Variants in GPHN observed in about 807,000 individuals in gnomAD.
GPHN encodes the protein gephyrin.
Under a neutral mutation model 95.5 loss-of-function variants are expected in GPHN, and 17 were observed. The ratio of observed to expected loss-of-function variants is 0.18; its 90% CI spans 0.12 to 0.27. The LOEUF is 0.27. GPHN is among the 10% of genes least tolerant of loss of function. GPHN has a pLI of 1.00. For missense variants in GPHN, 660 were observed against 978.1 expected (o/e 0.67, Z 4.34); for synonymous variants, 320 against 322.5 (o/e 0.99, Z 0.08).
chr14:67,150,453 C>CAAAAAAAAA (rs1164806975), intron 18 of GPHN, among the ~76,000 whole-genome samples: 63 of 98,040 alleles, frequency 6.4e-4, no homozygotes, highest in African/African-American at 7.8e-4. Flanking sequence ...AAAAAAAAAA[C>CAAAAAAAAA]AAAAAAAAAA....
intron 1 of GPHN, among the ~76,000 whole-genome samples, chr14:66,672,974 C>T (rs2066382748): frequency 6.6e-6 from 1 of 151,966 alleles, no homozygotes; most frequent in South Asian, 2.1e-4. Context: ...TTGCCTTTGA[C>T]CTTTGTTCTT....
chr14:67,407,758 G>A, the GPHN span, among the ~76,000 whole-genome samples: 1 of 152,112 alleles, frequency 6.6e-6, no homozygotes, highest in African/African-American at 2.4e-5. Flanking sequence ...TAACTTTAAA[G>A]ATAAGGAAAC....
At chr14:66,652,714 G>A (rs907206689) in intron 1 of GPHN, among the ~76,000 whole-genome samples, 6 of 152,070 alleles carry the variant, frequency 3.9e-5, no homozygotes, top group African/African-American at 1.4e-4. Context: ...AAAGCAATTC[G>A]GTGGGGCAAT....
intron 4 of GPHN, among the ~76,000 whole-genome samples, chr14:66,839,485 A>T (rs962932265): frequency 2.6e-5 from 4 of 152,208 alleles, no homozygotes; most frequent in African/African-American, 9.6e-5. Flanking sequence ...AAGCTAGGTC[A>T]GTTTTGATTA....
the GPHN span, among the ~76,000 whole-genome samples, chr14:67,329,961 C>G: frequency 6.6e-6 from 1 of 151,006 alleles, no homozygotes. Context: ...TACTCTGAAT[C>G]TGTTCTTCTA....
intron 1 of GPHN, among the ~76,000 whole-genome samples, chr14:66,673,254 G>A (rs554234169): frequency 5.9e-5 from 9 of 151,750 alleles, no homozygotes; most frequent in East Asian, 1.9e-4. Flanking sequence ...CACCACGCCC[G>A]GGTAATTTTT....
chr14:67,352,835 TTAAAA>T, the GPHN span: 1 of 781,970 alleles, frequency 1.3e-6, no homozygotes, highest in Admixed American at 3.3e-5. Context: ...AAAAAATTAA[TTAAAA>T]TAACAACAAC....
chr14:67,339,049 A>G, the GPHN span, among the ~76,000 whole-genome samples: 1 of 138,758 alleles, frequency 7.2e-6, no homozygotes, highest in African/African-American at 2.8e-5. Context: ...GGTGGAGTGC[A>G]GTGGCGCACG....
chr14:67,688,435 T>C, the GPHN span, among the ~76,000 whole-genome samples: 2 of 152,192 alleles, frequency 1.3e-5, no homozygotes, highest in Non-Finnish European at 2.9e-5. Context: ...TTTCAGTTCC[T>C]TGTGCATGAT....
chr14:67,189,837 A>ATTTTTT, the GPHN span: 6 of 108,094 alleles, frequency 5.6e-5, no homozygotes, highest in African/African-American at 1.1e-4. Flanking sequence ...ATTTTTTTTA[A>ATTTTTT]TTTTTTTTTT....
chr14:66,603,747 T>G (rs1273117498), intron 1 of GPHN, among the ~76,000 whole-genome samples: 1 of 152,016 alleles, frequency 6.6e-6, no homozygotes, highest in Non-Finnish European at 1.5e-5. Context: ...TAGGTCACTT[T>G]TGTCACAAAC....
the GPHN span, among the ~76,000 whole-genome samples, chr14:67,601,157 G>A: frequency 2.0e-5 from 3 of 152,200 alleles, no homozygotes; most frequent in Non-Finnish European, 2.9e-5. Flanking sequence ...AGGGCAGTCA[G>A]GCGAAGTCTC....
intron 1 of GPHN, among the ~76,000 whole-genome samples, chr14:66,650,873 C>G (rs539437242): frequency 8.5e-5 from 13 of 152,160 alleles, no homozygotes; most frequent in African/African-American, 3.1e-4. Flanking sequence ...TCAAAGAGGT[C>G]GCTTCTGAAT....
At chr14:67,656,349 G>A in the GPHN span, 38 of 1,430,082 alleles carry the variant, frequency 2.7e-5, no homozygotes, top group South Asian at 7.2e-5. Flanking sequence ...GCCTTAGTAC[G>A]GTTTCCAGGT....
At chr14:66,617,432 A>C (rs1419102127) in intron 1 of GPHN, among the ~76,000 whole-genome samples, 1 of 152,102 alleles carries the variant, frequency 6.6e-6, no homozygotes, top group Non-Finnish European at 1.5e-5. Flanking sequence ...ATGCTCACTC[A>C]CTGCCTCCCT....
chr14:67,247,816 C>T, the GPHN span, among the ~76,000 whole-genome samples: 2 of 151,932 alleles, frequency 1.3e-5, no homozygotes, highest in African/African-American at 4.8e-5. Context: ...TGGGCTCAAG[C>T]GATCTGCCCA....
the GPHN span, chr14:67,684,948 C>A: frequency 2.2e-6 from 3 of 1,376,106 alleles, no homozygotes; most frequent in South Asian, 1.4e-5. Context: ...AAGGGTATAC[C>A]CAGACAAACC....
At chr14:66,979,318 T>C (rs958673561) in intron 9 of GPHN, among the ~76,000 whole-genome samples, 6 of 152,260 alleles carry the variant, frequency 3.9e-5, no homozygotes, top group Non-Finnish European at 7.3e-5. Context: ...GGCTGTTTTA[T>C]CTACACTGAA....
intron 4 of GPHN, among the ~76,000 whole-genome samples, chr14:66,832,062 A>C (rs1366890079): frequency 6.6e-6 from 1 of 152,166 alleles, no homozygotes; most frequent in African/African-American, 2.4e-5. Flanking sequence ...CACGAGAATC[A>C]CTTGAACCCA....
Sources: gnomAD v4.1 joint callset for allele counts (sites outside exome capture counted in the v4.1 genomes callset) on GRCh38, gnomAD v4.1.1 for gene constraint, MANE v1.5 for transcripts, NCBI Gene and HGNC (gene_info 2026-07-23, HGNC 2026-07-21) for gene names.